The following IGFL2 variants were observed in gnomAD, a reference collection of about 807,000 sequenced individuals.
IGFL2 encodes the protein insulin growth factor-like family member 2.
Under a neutral mutation model 13.9 loss-of-function variants are expected in IGFL2, and 7 were observed. That is an observed-to-expected ratio of 0.51 (90% confidence interval 0.29 to 0.95). The LOEUF (loss-of-function observed/expected upper bound fraction) is 0.95. Ranked by LOEUF, IGFL2 falls within the 40% of genes least tolerant of loss-of-function variation. The probability of loss-of-function intolerance (pLI) is 0.08; values close to 1 mark genes in which losing one functional copy is unlikely to be tolerated. For synonymous variants in IGFL2, 55 were observed against 55.8 expected (o/e 0.99, Z 0.07); for missense variants, 138 against 147.8 (o/e 0.93, Z 0.34).
At chr19:46,209,827 C>T in the IGFL2 span, 1 of 152,174 alleles carries the variant, frequency 6.6e-6, no homozygotes, top group Non-Finnish European at 1.5e-5. Context: ...CTTAACTATC[C>T]TGGGCCATAA....
chr19:46,151,571 C>T lies in IGFL2; in HGVS notation c.19+3274C>T, dbSNP rs559868829. ...TTTTCAAGATCGTTTTAGTTATTCT[C>T]GGTCCTTTATGTTTCAATATGAGTT... On this transcript the variant is annotated intron_variant, in intron 1 of 3. Transcript: ENST00000377693. Among the ~76,000 whole-genome samples the T allele has an allele frequency of 8.4e-4, 128 of 152,142 alleles. 2 individuals carry two copies. In the Middle Eastern group the frequency reaches 0.017, roughly 20 times the overall value.
the IGFL2 span, among the ~76,000 whole-genome samples, chr19:46,091,976 T>TA: frequency 6.6e-6 from 1 of 152,234 alleles, no homozygotes; most frequent in Non-Finnish European, 1.5e-5. Flanking sequence ...GTATATACCA[T>TA]AATCAAAAGT....
the IGFL2 span, chr19:46,124,037 G>A: frequency 1.1e-3 from 1,822 of 1,611,488 alleles, 29 homozygotes; most frequent in Middle Eastern, 2.0e-3. Flanking sequence ...CCACAGCGGC[G>A]GGTCTCCTTT....
intron 1 of IGFL2, among the ~76,000 whole-genome samples, chr19:46,158,067 A>G (rs1471017916): frequency 6.6e-6 from 1 of 152,232 alleles, no homozygotes; most frequent in African/African-American, 2.4e-5. Flanking sequence ...TTAGGTGTAA[A>G]TCTAACAAAA....
chr19:46,192,784 C>G, the IGFL2 span, among the ~76,000 whole-genome samples: 1 of 152,262 alleles, frequency 6.6e-6, no homozygotes, highest in Admixed American at 6.5e-5. Flanking sequence ...GTCATCCCAG[C>G]CTTTCTAGTG....
At chr19:46,187,823 C>G in the IGFL2 span, among the ~76,000 whole-genome samples, 1 of 130,656 alleles carries the variant, frequency 7.7e-6, no homozygotes, top group Non-Finnish European at 1.6e-5. Context: ...CTGGTGTGTG[C>G]TACGTGCTAC....
the IGFL2 span, among the ~76,000 whole-genome samples, chr19:46,098,694 G>A: frequency 0.013 from 2,013 of 152,120 alleles, 31 homozygotes; most frequent in Middle Eastern, 0.027. Context: ...GGTCAGGCTG[G>A]TCTCGAACTT....
chr19:46,114,924 G>A, the IGFL2 span, among the ~76,000 whole-genome samples: 3 of 152,116 alleles, frequency 2.0e-5, no homozygotes, highest in African/African-American at 7.2e-5. Context: ...TGGGAGTAAG[G>A]CCCAGAAATT....
chr19:46,144,738 A>T (rs1352799271), upstream of IGFL2, among the ~76,000 whole-genome samples: 3 of 152,192 alleles, frequency 2.0e-5, no homozygotes, highest in Admixed American at 2.0e-4. Context: ...AAACACAGGT[A>T]TAGATTCATG....
At chr19:46,188,350 T>C in the IGFL2 span, among the ~76,000 whole-genome samples, 1 of 152,202 alleles carries the variant, frequency 6.6e-6, no homozygotes, top group Non-Finnish European at 1.5e-5. Context: ...AATCTTGCTG[T>C]TTGCACATGA....
chr19:46,161,292 C>A, downstream of IGFL2: 1 of 438,392 alleles, frequency 2.3e-6, no homozygotes, highest in Non-Finnish European at 4.1e-6. Flanking sequence ...CCAATGTACA[C>A]ACCTGTACCC....
At chr19:46,212,051 C>CTT in the IGFL2 span, 3 of 104,096 alleles carry the variant, frequency 2.9e-5, no homozygotes, top group African/African-American at 8.7e-5. Flanking sequence ...TTTCTTAATC[C>CTT]ATTTTTTTTT....
At chr19:46,167,806 A>T in the IGFL2 span, among the ~76,000 whole-genome samples, 3 of 152,284 alleles carry the variant, frequency 2.0e-5, no homozygotes, top group South Asian at 6.2e-4. Flanking sequence ...CTCCCTGCAC[A>T]CACAAAAGAA....
chr19:46,201,792 T>C, the IGFL2 span, among the ~76,000 whole-genome samples: 1 of 152,168 alleles, frequency 6.6e-6, no homozygotes, highest in African/African-American at 2.4e-5. Flanking sequence ...AGGGCGGCAC[T>C]GAGATGTGGC....
chr19:46,111,007 C>T, the IGFL2 span: 1 of 151,884 alleles, frequency 6.6e-6, no homozygotes, highest in Non-Finnish European at 1.5e-5. Context: ...TTTTTTACTT[C>T]TAGCAACATA....
At chr19:46,129,694 T>G in the IGFL2 span, among the ~76,000 whole-genome samples, 316 of 152,292 alleles carry the variant, frequency 2.1e-3, 1 homozygote, top group African/African-American at 7.2e-3. Context: ...TAGTCTTGAT[T>G]TCTAATTTGA....
chr19:46,113,536 G>T, the IGFL2 span: 1 of 331,290 alleles, frequency 3.0e-6, no homozygotes, highest in East Asian at 8.6e-5. Flanking sequence ...GTTGTCACAG[G>T]AAAGACAATG....
downstream of IGFL2, among the ~76,000 whole-genome samples, chr19:46,166,162 A>T (rs760825030): frequency 6.6e-6 from 1 of 152,124 alleles, no homozygotes; most frequent in Admixed American, 6.5e-5. Context: ...AGAACAAGAT[A>T]CCTATCGGGG....
chr19:46,107,033 G>A, the IGFL2 span, among the ~76,000 whole-genome samples: 95 of 152,260 alleles, frequency 6.2e-4, no homozygotes, highest in African/African-American at 2.2e-3. Flanking sequence ...ACCTAATAAG[G>A]TAACTGGGCA....
Sources: gnomAD v4.1 joint callset for allele counts (sites outside exome capture counted in the v4.1 genomes callset) on GRCh38, gnomAD v4.1.1 for gene constraint, MANE v1.5 for transcripts, NCBI Gene and HGNC (gene_info 2026-07-23, HGNC 2026-07-21) for gene names.